The following OR6K3 variants were observed in gnomAD, a reference collection of about 807,000 sequenced individuals.
OR6K3 encodes olfactory receptor family 6 subfamily K member 3.
For synonymous variants in OR6K3, 169 were observed against 137.7 expected (o/e 1.23, Z -1.59); for missense variants, 396 against 382.5 (o/e 1.04, Z -0.29).
At chr1:158,724,558 A>G, upstream of OR6K3, 1 of 265,106 alleles carries the variant, frequency 3.8e-6, no homozygotes, top group Non-Finnish European at 8.1e-6. Flanking sequence ...GGGTCCACAG[A>G]AGGGCAGTGT....
rs1465050474 is a variant in OR6K3 at position 158,718,127 on chromosome 1, A to C, written c.-12T>G. 2 of 1,545,470 alleles carry C rather than the reference A, an allele frequency of 1.3e-6. No individual in the cohort carries two copies. Among genetic ancestry groups the C allele is most frequent in the Non-Finnish European group, 1.8e-6 (2 of 1,124,074 alleles). On this transcript the variant is annotated 5_prime_UTR_variant, in exon 2 of 2. Coordinates refer to ENST00000368145, the MANE Select transcript of OR6K3 (RefSeq NM_001005327.3). Reference sequence around the variant, plus strand: ...TTTCCGCTCTCCATATTTCTAGTAGAGCTACCTGTAAATGGAGAGGGCATA... The same window carrying C: ...TTTCCGCTCTCCATATTTCTAGTAGCGCTACCTGTAAATGGAGAGGGCATA...
Position 158,717,074 on chromosome 1 carries a change from T to C in OR6K3, c.*94A>G. On this transcript the variant is annotated 3_prime_UTR_variant, in exon 2 of 2. Transcript: ENST00000368145. Reference sequence around the variant, plus strand: ...TGGAGGTTGCAGTGAGCCAAGATCATGCCATTGCACTCCAGCCCAGGCAAC... The same window carrying C: ...TGGAGGTTGCAGTGAGCCAAGATCACGCCATTGCACTCCAGCCCAGGCAAC... 1 of 860,828 alleles carries C rather than the reference T, an allele frequency of 1.2e-6. No individual in the cohort carries two copies. Among genetic ancestry groups the C allele is most frequent in the Non-Finnish European group, 1.9e-6 (1 of 532,116 alleles). The allele number at this position is 860,828 out of a possible 1,614,324, so 53.3% of individuals were successfully genotyped here. A position where few individuals can be genotyped will look rare whatever the true frequency, so the allele number is the denominator to read the frequency against.
chr1:158,717,344 A>G lies in OR6K3; in HGVS notation c.772T>C (p.Tyr258His), dbSNP rs1249991672. 1 of 1,613,698 alleles carries G rather than the reference A, an allele frequency of 6.2e-7. No individual in the cohort carries two copies. The highest frequency in any genetic ancestry group is 1.7e-5 in the Admixed American group (1 of 59,948). Reference protein sequence around the residue: ...PIFFGSVSLMYLRFSDTYPPV... With the variant: ...PIFFGSVSLMHLRFSDTYPPV... ...GGATAAGTGTCGCTGAAACGCAAGTACATGAGTGATACACTGCCAAAGAAT... is the reference window on the plus strand; with the variant it reads ...GGATAAGTGTCGCTGAAACGCAAGTGCATGAGTGATACACTGCCAAAGAAT... The change falls in exon 2 of 2, where the codon TAC becomes CAC. Residue 258 changes from tyrosine (Y) to histidine (H), a missense_variant. Coordinates refer to ENST00000368145, the MANE Select transcript of OR6K3 (RefSeq NM_001005327.3).
rs754875892 is a variant in OR6K3, at chr1:158,717,962, C to A, written c.154G>T (p.Asp52Tyr). 7 of 1,613,142 alleles carry A rather than the reference C, an allele frequency of 4.3e-6. No individual in the cohort carries two copies. The Admixed American group carries it at 1.2e-4, about 27-fold the overall frequency. The change falls in exon 2 of 2, where the codon GAC becomes TAC. Residue 52 changes from aspartate to tyrosine, a missense_variant. By Grantham distance (160) the Asp-to-Tyr change is radical. Coordinates refer to ENST00000368145, the MANE Select transcript of OR6K3 (RefSeq NM_001005327.3). ...NLLIFSAVRLDTHLHNPMYNF... is the reference protein window; with the variant it reads ...NLLIFSAVRLYTHLHNPMYNF... ...TACATGGGGTTGTGGAGATGGGTGT[C>A]CAGCCTTACAGCAGAGAAGATTAAT... is the stretch of plus-strand genomic sequence containing the variant.
At chr1:158,721,697 G>GT (rs993467642), upstream of OR6K3, among the ~76,000 whole-genome samples, 5 of 150,406 alleles carry the variant, frequency 3.3e-5, no homozygotes, top group Admixed American at 6.6e-5. Context: ...CCTCTGTTTT[G>GT]TTTTTTTTCT....
chr1:158,718,235 A>C (rs895238810), intron 1 of OR6K3, 103 bp from the exon 2 acceptor site: 1 of 676,096 alleles, frequency 1.5e-6, no homozygotes, highest in African/African-American at 1.8e-5. Flanking sequence ...ACTACCTTGA[A>C]GGTTTCATTT....
At position 158,717,701 on chromosome 1, in the gene OR6K3, G is replaced by A. The variant is rs550637792; in HGVS notation, c.415C>T (p.Arg139Trp). 117 of 1,613,608 alleles carry A rather than the reference G, an allele frequency of 7.3e-5. No individual in the cohort carries two copies. The highest frequency in any genetic ancestry group is 5.8e-4 in the South Asian group (53 of 91,068). The part of the protein sequence containing the change: ...PLRYQMIMTP[R>W]LCAQLSAGSC... The stretch of plus-strand genomic sequence containing the variant: ...CCTGCAGAGAGTTGAGCACAGAGCC[G>A]GGGGGTCATGATCATTTGATAGCGA... Residue 139 changes from arginine to tryptophan, a missense_variant, in exon 2 of 2, where the codon CGG becomes TGG. Arg to Trp is a moderately radical substitution (Grantham distance 101, BLOSUM62 -3). Coordinates refer to ENST00000368145, the MANE Select transcript of OR6K3 (RefSeq NM_001005327.3).
At chr1:158,724,319 G>A (rs10489842), upstream of OR6K3, 19,385 of 163,352 alleles carry the variant, frequency 0.12, 1,398 homozygotes, top group Non-Finnish European at 0.16. Context: ...TAGAACATCA[G>A]AAAGACACTA....
intron 1 of OR6K3, among the ~76,000 whole-genome samples, chr1:158,719,543 C>G (rs370754559): frequency 6.6e-6 from 1 of 151,968 alleles, no homozygotes; most frequent in Non-Finnish European, 1.5e-5. Context: ...CCTGTTTGTG[C>G]TACTTCCTCT....
In OR6K3 at chr1:158,717,705, G is replaced by A. The variant is rs531807930; in HGVS notation, c.411C>T (p.Thr137=). 6.2e-7 allele frequency: 1 copy of A among 1,613,770 alleles called. No individual in the cohort carries two copies. The highest frequency in any genetic ancestry group is 1.1e-5 in the South Asian group (1 of 91,074). Residue 137 remains threonine (T), a synonymous_variant, in exon 2 of 2, where the codon ACC becomes ACT. Coordinates refer to ENST00000368145, the MANE Select transcript of OR6K3 (RefSeq NM_001005327.3). ...CAGAGAGTTGAGCACAGAGCCGGGG[G>A]GTCATGATCATTTGATAGCGAAGAG... is the stretch of plus-strand genomic sequence containing the variant. ...CNPLRYQMIM[T]PRLCAQLSAG... is the part of the protein sequence containing the mutation.
In OR6K3 at chr1:158,717,380, C is replaced by A. The variant is rs774324618; in HGVS notation, c.736G>T (p.Val246Phe). The stretch of plus-strand genomic sequence containing the variant: ...ACACTGCCAAAGAATATCGGGAAGA[C>A]CATGAGGTGGCCTGCACAGGTAGAA... Reference protein sequence around the residue: ...AFSTCAGHLMVFPIFFGSVSL... With the variant: ...AFSTCAGHLMFFPIFFGSVSL... The change falls in exon 2 of 2, where the codon GTC becomes TTC. Residue 246 changes from valine (V) to phenylalanine (F), a missense_variant. Val to Phe is a conservative substitution (Grantham distance 50). Transcript: ENST00000368145. 8 of 1,613,506 alleles carry A rather than the reference C, an allele frequency of 5.0e-6. No homozygotes were observed. In the Admixed American group the frequency reaches 1.3e-4, roughly 27 times the overall value.
chr1:158,723,231 A>ATCTATCTATCTATCTG (rs1553243388), upstream of OR6K3, among the ~76,000 whole-genome samples: 2 of 146,326 alleles, frequency 1.4e-5, no homozygotes, highest in Non-Finnish European at 3.1e-5. Context: ...CTATCTGTCT[A>ATCTATCTATCTATCTG]TCTATCTATC....
upstream of OR6K3, among the ~76,000 whole-genome samples, chr1:158,721,999 C>A (rs183144666): frequency 6.6e-6 from 1 of 151,950 alleles, no homozygotes; most frequent in African/African-American, 2.4e-5. Context: ...TGATTTGTGT[C>A]TTAGAGTTAG....
At position 158,717,706 on chromosome 1, in the gene OR6K3, G is replaced by A; in HGVS notation, c.410C>T (p.Thr137Ile). ...CNPLRYQMIM[T>I]PRLCAQLSAG... ...AGAGAGTTGAGCACAGAGCCGGGGG[G>A]TCATGATCATTTGATAGCGAAGAGG... The change falls in exon 2 of 2, where the codon ACC (threonine) becomes ATC (isoleucine). Residue 137 changes from threonine (T) to isoleucine (I), a missense_variant. Coordinates refer to ENST00000368145, the MANE Select transcript of OR6K3 (RefSeq NM_001005327.3). The A allele has an allele frequency of 6.2e-7, 1 of 1,613,802 alleles. No homozygotes were observed. The highest frequency in any genetic ancestry group is 8.5e-7 in the Non-Finnish European group (1 of 1,179,844).
At chr1:158,723,653 T>TAA (rs1485086781), upstream of OR6K3, among the ~76,000 whole-genome samples, 1 of 152,020 alleles carries the variant, frequency 6.6e-6, no homozygotes, top group South Asian at 2.1e-4. Context: ...CAATAGATGA[T>TAA]AAAACTAAGA....
At chr1:158,722,274 A>G (rs768410891), upstream of OR6K3, among the ~76,000 whole-genome samples, 29 of 152,162 alleles carry the variant, frequency 1.9e-4, no homozygotes, top group Middle Eastern at 3.4e-3. Context: ...AAATATGCAC[A>G]GCAAATATGG....
At position 158,717,180 on chromosome 1, in the gene OR6K3, C is replaced by T. The variant is rs1345146413; in HGVS notation, c.936G>A (p.Lys312=). 6.2e-7 allele frequency: 1 copy of T among 1,608,786 alleles called. No individual in the cohort carries two copies. Among genetic ancestry groups the T allele is most frequent in the Admixed American group, 1.7e-5 (1 of 59,766 alleles). Residue 312 remains lysine, a synonymous_variant, in exon 2 of 2, where the codon AAG becomes AAA. Coordinates refer to ENST00000368145, the MANE Select transcript of OR6K3 (RefSeq NM_001005327.3). ...KLFCLQKVLN[K]PGG ...CTGTGGCTCTGTATTAACCTCCAGG[C>T]TTGTTCAACACTTTTTGAAGACAGA...
At chr1:158,722,853 T>A (rs1656311847), upstream of OR6K3, among the ~76,000 whole-genome samples, 1 of 152,050 alleles carries the variant, frequency 6.6e-6, no homozygotes, top group Non-Finnish European at 1.5e-5. Flanking sequence ...CAACTGGTGC[T>A]TTTGATATAA....
At chr1:158,724,659 G>A (rs1327356214), upstream of OR6K3, 1 of 227,318 alleles carries the variant, frequency 4.4e-6, no homozygotes, top group African/African-American at 2.3e-5. Context: ...GGGTCATGAT[G>A]GTTGGGTAGC....
Sources: gnomAD v4.1 joint callset for allele counts (sites outside exome capture counted in the v4.1 genomes callset) on GRCh38, gnomAD v4.1.1 for gene constraint, MANE v1.5 for transcripts, NCBI Gene and HGNC (gene_info 2026-07-23, HGNC 2026-07-21) for gene names.